The following RIMBP2 variants were observed in gnomAD, a reference collection of about 807,000 sequenced individuals.
RIMBP2 encodes the protein RIMS binding protein 2, also known as RIMS-binding protein 2.
In RIMBP2, 48 loss-of-function variants were observed where a neutral mutation model predicts 118.6. The ratio of observed to expected loss-of-function variants is 0.40; its 90% confidence interval spans 0.32 to 0.51. The LOEUF (loss-of-function observed/expected upper bound fraction) is 0.51, where lower values mean the gene tolerates loss of function less well. RIMBP2 is among the 20% of genes least tolerant of loss of function. The probability of loss-of-function intolerance (pLI) is 0.41; values close to 1 mark genes in which losing one functional copy is unlikely to be tolerated. For missense variants in RIMBP2, 1,551 were observed against 1,768.3 expected (o/e 0.88, Z 2.20); for synonymous variants, 762 against 742.9 (o/e 1.03, Z -0.42).
At chr12:130,707,959 A>G (rs1434566650) in intron 1 of RIMBP2, among the ~76,000 whole-genome samples, 2 of 152,220 alleles carry the variant, frequency 1.3e-5, no homozygotes, top group African/African-American at 4.8e-5. Flanking sequence ...CGCATTACAC[A>G]TGACTATATT....
At chr12:130,400,552 G>C (rs2074431966) in intron 21 of RIMBP2, among the ~76,000 whole-genome samples, 1 of 152,112 alleles carries the variant, frequency 6.6e-6, no homozygotes, top group Non-Finnish European at 1.5e-5. Flanking sequence ...TGCCCATAAA[G>C]TGCCTAAACC....
chr12:130,668,907 C>A (rs570565331), intron 1 of RIMBP2, among the ~76,000 whole-genome samples: 76 of 152,364 alleles, frequency 5.0e-4, no homozygotes, highest in Middle Eastern at 3.4e-3. Flanking sequence ...CCAAGCCAAG[C>A]CCCGAGAGCC....
chr12:130,681,594 T>C (rs1460514915), intron 1 of RIMBP2, among the ~76,000 whole-genome samples: 1 of 152,206 alleles, frequency 6.6e-6, no homozygotes, highest in Non-Finnish European at 1.5e-5. Context: ...AGCAACACTT[T>C]AAGATGAACT....
intron 5 of RIMBP2, among the ~76,000 whole-genome samples, chr12:130,476,694 G>A (rs1044402385): frequency 6.6e-5 from 10 of 152,254 alleles, no homozygotes; most frequent in South Asian, 2.1e-4. Context: ...CTAAAGTCAC[G>A]GCCCCGTCAA....
At position 130,447,715 on chromosome 12, in the gene RIMBP2, G is replaced by T. The variant is rs964985986; in HGVS notation, c.582-2446C>A. On this transcript the variant is annotated intron_variant, in intron 9 of 22. Transcript: ENST00000690449. The surrounding 1 kb of genome is among the most constrained non-coding windows in gnomAD (Gnocchi z 4.4). The stretch of plus-strand genomic sequence containing the variant: ...AGCTGGCGAAAGGAAGGATGGTGAT[G>T]AATGTGTCAGCCTCACCCTGGACCT... Among the ~76,000 whole-genome samples, 2 of 152,168 alleles carry T rather than the reference G, an allele frequency of 1.3e-5. No individual in the cohort carries two copies. The highest frequency in any genetic ancestry group is 2.9e-5 in the Non-Finnish European group (2 of 68,030).
intron 2 of RIMBP2, among the ~76,000 whole-genome samples, chr12:130,618,532 G>A (rs1047059719): frequency 1.3e-5 from 2 of 151,860 alleles, no homozygotes; most frequent in African/African-American, 4.8e-5. Flanking sequence ...GGTGGGGAAG[G>A]ATGAGGTTTG....
At chr12:130,569,020 C>T (rs995364729) in intron 2 of RIMBP2, among the ~76,000 whole-genome samples, 6 of 152,208 alleles carry the variant, frequency 3.9e-5, no homozygotes, top group South Asian at 2.1e-4. Context: ...GACCCCCCAC[C>T]GAGAAGCTGG....
At chr12:130,674,191 G>A (rs888991318) in intron 1 of RIMBP2, among the ~76,000 whole-genome samples, 2 of 151,982 alleles carry the variant, frequency 1.3e-5, no homozygotes, top group African/African-American at 4.8e-5. Context: ...AGTGTTTGGC[G>A]CCTTCTCCTT....
intron 3 of RIMBP2, among the ~76,000 whole-genome samples, chr12:130,517,541 G>C (rs957751548): frequency 2.6e-5 from 4 of 152,142 alleles, no homozygotes; most frequent in Non-Finnish European, 5.9e-5. Flanking sequence ...TGGGGAGAAA[G>C]TGGTTTGGGA....
chr12:130,427,905 T>G (rs1487399719), intron 15 of RIMBP2: 1 of 333,348 alleles, frequency 3.0e-6, no homozygotes, highest in East Asian at 5.1e-5. Context: ...TTCCCCCCAC[T>G]TCAGTTCCTG....
chr12:130,418,997 G>A (rs897183476), intron 17 of RIMBP2, among the ~76,000 whole-genome samples: 1 of 152,172 alleles, frequency 6.6e-6, no homozygotes, highest in Non-Finnish European at 1.5e-5. Flanking sequence ...AGAGGTGGGT[G>A]GAGCACTTGG....
At position 130,633,472 on chromosome 12, in the gene RIMBP2, C is replaced by T. The variant is rs2062129239; in HGVS notation, c.-351-5016G>A. Among the ~76,000 whole-genome samples, 2 of 152,142 alleles carry T rather than the reference C, an allele frequency of 1.3e-5. 1 individual carries two copies. Among genetic ancestry groups the T allele is most frequent in the South Asian group, 4.2e-4 (2 of 4,818 alleles). ...CTTGCCTTTCCTCCTGAACCACATCCTATCCCGAGTGTCCCGCCCACAGCC... is the reference window on the plus strand; with the variant it reads ...CTTGCCTTTCCTCCTGAACCACATCTTATCCCGAGTGTCCCGCCCACAGCC... On this transcript the variant is annotated intron_variant, in intron 1 of 22. Transcript: ENST00000690449.
At chr12:130,517,671 G>C (rs1461151214) in intron 3 of RIMBP2, among the ~76,000 whole-genome samples, 157 bp downstream of exon 3, 2 of 152,126 alleles carry the variant, frequency 1.3e-5, no homozygotes. Flanking sequence ...TCACGTGCTG[G>C]TCATGTGAAG....
chr12:130,432,593 C>T (rs2077218954), intron 14 of RIMBP2, among the ~76,000 whole-genome samples: 1 of 152,142 alleles, frequency 6.6e-6, no homozygotes, highest in African/African-American at 2.4e-5. Context: ...GGGTCCTAAT[C>T]CAATAGGACT....
At chr12:130,489,786 C>G (rs779241819) in intron 4 of RIMBP2, among the ~76,000 whole-genome samples, 1 of 152,072 alleles carries the variant, frequency 6.6e-6, no homozygotes, top group Non-Finnish European at 1.5e-5. Context: ...GAAGTCTGAC[C>G]GGTAGACTGA....
At position 130,424,227 on chromosome 12, in the gene RIMBP2, A is replaced by G; in HGVS notation, c.3044T>C (p.Val1015Ala). 2 of 1,231,126 alleles carry G rather than the reference A, an allele frequency of 1.6e-6. No homozygotes were observed. Among genetic ancestry groups the G allele is most frequent in the South Asian group, 4.1e-5 (1 of 24,262 alleles). 76.3% of individuals were successfully genotyped at this position (1,231,126 alleles called of 1,614,324 possible). A position where few individuals can be genotyped will look rare whatever the true frequency, so the allele number is the denominator to read the frequency against. ...GGGCATGGTTATGCTTTTCTTCCAGACACCCCGAAAATCTTGGTGCTCGGT... is the reference window on the plus strand; with the variant it reads ...GGGCATGGTTATGCTTTTCTTCCAGGCACCCCGAAAATCTTGGTGCTCGGT... ...EPTEHQDFRGVWKKSITMPDS... is the reference protein window; with the variant it reads ...EPTEHQDFRGAWKKSITMPDS... The change falls in exon 16 of 23, where the codon GTC becomes GCC. Residue 1015 changes from valine to alanine, a missense_variant. Val to Ala is a moderately conservative substitution (Grantham distance 64). Coordinates refer to ENST00000690449, the MANE Select transcript of RIMBP2 (RefSeq NM_001393629.1). This position sits in a 1 kb window ranked among gnomAD's most constrained non-coding sequence, Gnocchi z 9.8.
At chr12:130,492,893 G>T (rs1357672266) in intron 4 of RIMBP2, among the ~76,000 whole-genome samples, 1 of 152,236 alleles carries the variant, frequency 6.6e-6, no homozygotes, top group Non-Finnish European at 1.5e-5. Flanking sequence ...ACTTTGGGAG[G>T]CCGAGGCGGG....
intron 19 of RIMBP2, 152 bp from the exon 20 acceptor site, chr12:130,407,981 G>A (rs1020849492): frequency 2.8e-5 from 19 of 690,280 alleles, no homozygotes; most frequent in Non-Finnish European, 4.4e-5. Flanking sequence ...ATCAGCAAAC[G>A]TCTCTACTTT....
chr12:130,513,138 C>T (rs778258097), intron 3 of RIMBP2, among the ~76,000 whole-genome samples: 8 of 152,146 alleles, frequency 5.3e-5, no homozygotes, highest in Non-Finnish European at 1.2e-4. Flanking sequence ...AATTCTGACC[C>T]ATGCTACAGC....
Sources: allele counts gnomAD v4.1 joint callset (sites outside exome capture counted in the v4.1 genomes callset), GRCh38; gene constraint gnomAD v4.1.1; non-coding constraint Gnocchi (gnomAD v3.1); transcripts MANE v1.5; gene names NCBI Gene and HGNC (gene_info 2026-07-23, HGNC 2026-07-21).